Variants in MTMR1 observed in about 807,000 individuals in gnomAD.
MTMR1 encodes the protein phosphatidylinositol-3-phosphate phosphatase MTMR1.
MTMR1 carries 17 observed loss-of-function variants against 51.6 expected under a neutral mutation model. That is an observed-to-expected ratio of 0.33 (90% confidence interval 0.23 to 0.49). The LOEUF (loss-of-function observed/expected upper bound fraction) is 0.49. MTMR1 is among the 20% of genes least tolerant of loss of function. The pLI is 0.99. For synonymous variants in MTMR1, 201 were observed against 205.6 expected (o/e 0.98, Z 0.19); for missense variants, 386 against 526.9 (o/e 0.73, Z 2.62).
At position 150,718,838 on chromosome X, in the gene MTMR1, C is replaced by T. The variant is rs1269495570; in HGVS notation, c.352+138C>T. 3 of 537,223 alleles carry T rather than the reference C, an allele frequency of 5.6e-6. No individual in the cohort carries two copies. In the African/African-American group the frequency reaches 7.2e-5, roughly 13 times the overall value. The allele number at this position is 537,223 out of a possible 1,213,427, so 44.3% of individuals were successfully genotyped here. ...GGACAAATGGACTAGATCTATTCAT[C>T]CTCATTAGTGTCATCATGACCTAAG... On this transcript the variant is annotated intron_variant, in intron 4 of 15. Coordinates refer to ENST00000445323, the MANE Select transcript of MTMR1 (RefSeq NM_001306144.3).
intron 9 of MTMR1, 109 bp downstream of exon 9, chrX:150,731,728 A>C: frequency 1.4e-6 from 1 of 713,116 alleles, no homozygotes; most frequent in Non-Finnish European, 2.0e-6. Flanking sequence ...AAAGCAGAAA[A>C]ATAAGCTTAT....
chrX:150,751,364 G>A, intron 14 of MTMR1: 1 of 355,399 alleles, frequency 2.8e-6, no homozygotes, highest in African/African-American at 2.8e-5. Flanking sequence ...GGTCAAAAGT[G>A]AGAAGGCATT....
chrX:150,735,248 G>C (rs1414677857), intron 10 of MTMR1, among the ~76,000 whole-genome samples: 1 of 111,781 alleles, frequency 8.9e-6, no homozygotes, highest in Non-Finnish European at 1.9e-5. Flanking sequence ...TAAATTTTAT[G>C]TTGTTTTAAG....
intron 15 of MTMR1, among the ~76,000 whole-genome samples, chrX:150,760,584 G>A (rs1030028688): frequency 8.1e-5 from 9 of 111,795 alleles, no homozygotes; most frequent in African/African-American, 2.0e-4. Flanking sequence ...TTAAGCCTCC[G>A]AGTTTTCTAT....
At chrX:150,711,441 C>T (rs2041303332) in intron 2 of MTMR1, among the ~76,000 whole-genome samples, 2 of 112,313 alleles carry the variant, frequency 1.8e-5, no homozygotes, top group African/African-American at 6.5e-5. Context: ...ATTCAGTGGT[C>T]AGAAGATAGG....
At chrX:150,730,497 A>G (rs1340287230) in intron 7 of MTMR1, 28 bp from the exon 8 acceptor site, 4 of 1,012,634 alleles carry the variant, frequency 4.0e-6, no homozygotes, top group Non-Finnish European at 5.4e-6. Context: ...AAATAGTAAC[A>G]TATGTGTTTT....
chrX:150,760,179 G>C (rs949397400), intron 15 of MTMR1, among the ~76,000 whole-genome samples: 1 of 108,891 alleles, frequency 9.2e-6, no homozygotes, highest in Non-Finnish European at 1.9e-5. Flanking sequence ...CAACAGGCAT[G>C]TGTCGGACAC....
chrX:150,728,903 T>C (rs2042024207), intron 6 of MTMR1, among the ~76,000 whole-genome samples: 1 of 109,164 alleles, frequency 9.2e-6, no homozygotes, highest in Non-Finnish European at 1.9e-5. Flanking sequence ...TTCCAGATCA[T>C]GAATCTGTTG....
intron 14 of MTMR1, among the ~76,000 whole-genome samples, chrX:150,754,714 A>G (rs2042852029): frequency 8.9e-6 from 1 of 111,755 alleles, no homozygotes; most frequent in Non-Finnish European, 1.9e-5. Flanking sequence ...TGTAAAATCT[A>G]TTCTCATTTC....
chrX:150,736,093 C>T (rs1417685510), intron 10 of MTMR1: 5 of 114,423 alleles, frequency 4.4e-5, no homozygotes, highest in African/African-American at 1.6e-4. Flanking sequence ...TAAATGTGGC[C>T]TTATTTCACA....
At chrX:150,707,454 T>C (rs782401710) in intron 2 of MTMR1, among the ~76,000 whole-genome samples, 19 of 112,597 alleles carry the variant, frequency 1.7e-4, no homozygotes, top group Admixed American at 7.5e-4. Flanking sequence ...AAAGAAGATA[T>C]ACACATGGCA....
intron 2 of MTMR1, among the ~76,000 whole-genome samples, chrX:150,701,721 T>C (rs2040913337): frequency 8.9e-6 from 1 of 112,200 alleles, no homozygotes; most frequent in Admixed American, 9.4e-5. Flanking sequence ...TGTGGTGGTC[T>C]GTAGTCTCAG....
intron 1 of MTMR1, among the ~76,000 whole-genome samples, chrX:150,696,242 G>A (rs1441311843): frequency 1.8e-5 from 2 of 111,206 alleles, no homozygotes; most frequent in Admixed American, 1.9e-4. Flanking sequence ...ACAGAGAAGG[G>A]ATGGGGGAGG....
At chrX:150,761,473 G>A (rs1270660888) in intron 15 of MTMR1, among the ~76,000 whole-genome samples, 1 of 112,782 alleles carries the variant, frequency 8.9e-6, no homozygotes, top group Non-Finnish European at 1.9e-5. Context: ...GGGAGTGGGG[G>A]AAGGACCTGG....
intron 2 of MTMR1, among the ~76,000 whole-genome samples, chrX:150,708,175 C>G (rs2041179824): frequency 9.0e-6 from 1 of 111,562 alleles, no homozygotes; most frequent in Admixed American, 9.5e-5. Context: ...TGCCAATATC[C>G]TGGTTCTGAT....
At chrX:150,758,823 C>T (rs2042986606) in intron 15 of MTMR1, among the ~76,000 whole-genome samples, 1 of 110,770 alleles carries the variant, frequency 9.0e-6, no homozygotes, top group Non-Finnish European at 1.9e-5. Flanking sequence ...TTACATTTAT[C>T]TCTCCCTTTA....
At chrX:150,729,218 CCACA>C (rs57306023) in intron 6 of MTMR1, among the ~76,000 whole-genome samples, 72 of 100,118 alleles carry the variant, frequency 7.2e-4, no homozygotes, top group African/African-American at 1.1e-3. Flanking sequence ...ACACACCCAC[CCACA>C]CACACACACA....
chrX:150,714,322 G>A (rs1557416320), intron 3 of MTMR1, among the ~76,000 whole-genome samples: 1 of 112,091 alleles, frequency 8.9e-6, no homozygotes, highest in African/African-American at 3.2e-5. Context: ...CTCCAAGGGG[G>A]AAAATGTTGT....
rs782018043 is a variant in MTMR1, at chrX:150,750,832, C to G, written c.1669C>G (p.Arg557Gly). ...GTFLCNCEQQ[R>G]FKEDVYTKTI... ...CTTTTTGTGCAACTGTGAACAGCAGCGATTCAAAGAGGTGAGTATGCTGCA... is the reference window on the plus strand; with the variant it reads ...CTTTTTGTGCAACTGTGAACAGCAGGGATTCAAAGAGGTGAGTATGCTGCA... Residue 557 changes from arginine to glycine, a missense_variant, in exon 14 of 16, where the codon CGA becomes GGA. Transcript: ENST00000445323. The G allele has an allele frequency of 8.4e-7, 1 of 1,194,891 alleles. No individual in the cohort carries two copies. Among genetic ancestry groups the G allele is most frequent in the Non-Finnish European group, 1.1e-6 (1 of 881,557 alleles).
Sources: allele counts gnomAD v4.1 joint callset (sites outside exome capture counted in the v4.1 genomes callset), GRCh38; gene constraint gnomAD v4.1.1; transcripts MANE v1.5; gene names NCBI Gene and HGNC (gene_info 2026-07-23, HGNC 2026-07-21).